The following POLD3 variants were observed in gnomAD, a reference collection of about 807,000 sequenced individuals.
The protein encoded by POLD3 is DNA polymerase delta 3, accessory subunit, also known as DNA polymerase delta subunit 3.
Under a neutral mutation model 58.2 loss-of-function variants are expected in POLD3, and 19 were observed. The ratio of observed to expected loss-of-function variants is 0.33; its 90% CI spans 0.23 to 0.48. POLD3 has a LOEUF of 0.48. Ranked by LOEUF, POLD3 falls within the 20% of genes least tolerant of loss-of-function variation. The pLI is 0.99. For synonymous variants in POLD3, 172 were observed against 193.5 expected, an observed-to-expected ratio of 0.89 and a Z score of 0.92; for missense variants, 504 against 545.5, an observed-to-expected ratio of 0.92 and a Z score of 0.76.
chr11:74,623,410 G>A (rs1308316715), intron 7 of POLD3, among the ~76,000 whole-genome samples: 1 of 152,156 alleles, frequency 6.6e-6, no homozygotes, highest in East Asian at 1.9e-4. Context: ...GCTCCAGCCT[G>A]GGCGACAGAG....
intron 11 of POLD3, 82 bp from the exon 12 acceptor site, chr11:74,640,482 T>TG: frequency 7.0e-7 from 1 of 1,435,828 alleles, no homozygotes; most frequent in Non-Finnish European, 9.2e-7. Flanking sequence ...CTGAAATGAT[T>TG]GGGGTTAGCA....
intron 7 of POLD3, among the ~76,000 whole-genome samples, chr11:74,624,638 A>G (rs2032376229): frequency 6.6e-6 from 1 of 152,154 alleles, no homozygotes; most frequent in Admixed American, 6.5e-5. Flanking sequence ...GCTAGATGAC[A>G]TGCTTCTATA....
chr11:74,614,290 T>C (rs4944051), intron 5 of POLD3, among the ~76,000 whole-genome samples: 40,038 of 152,106 alleles, frequency 0.26, 5,655 homozygotes, highest in South Asian at 0.42. Flanking sequence ...AAGAGAATAA[T>C]CTGGAGGCAA....
In POLD3 at chr11:74,620,063, G is replaced by A. The variant is rs772257016; in HGVS notation, c.707G>A (p.Ser236Asn). 1 of 1,613,544 alleles carries A rather than the reference G, an allele frequency of 6.2e-7. No homozygotes were observed. The highest frequency in any genetic ancestry group is 1.1e-5 in the South Asian group (1 of 91,070). The change falls in exon 7 of 12, where the codon AGC becomes AAC. Residue 236 changes from serine to asparagine, a missense_variant. Around this residue, in one of 2 missense-constraint regions of POLD3, gnomAD observed 385 missense variants for 370.5 expected, o/e 1.04. Transcript: ENST00000263681. ...NKAPGKGNMM[S>N]NFFGKAAMNK... ...GCACCAGGGAAAGGGAATATGATGA[G>A]CAACTTTTTTGGAAAAGCTGCTATG...
At chr11:74,598,025 G>A (rs966848995) in intron 2 of POLD3, among the ~76,000 whole-genome samples, 1 of 152,086 alleles carries the variant, frequency 6.6e-6, no homozygotes, top group African/African-American at 2.4e-5. Context: ...AGGCTGCAGT[G>A]AGCTATGATC....
In POLD3 at chr11:74,592,674, T is replaced by C; in HGVS notation, c.16T>C (p.Tyr6His). The change falls in exon 1 of 12, where the codon TAT becomes CAT. Residue 6 changes from tyrosine to histidine, a missense_variant. Physicochemically the swap from Tyr to His is moderately conservative, Grantham distance 83 (BLOSUM62 2). Around this residue, in one of 2 missense-constraint regions of POLD3, gnomAD observed 119 missense variants for 175.0 expected, o/e 0.68. Coordinates refer to ENST00000263681, the MANE Select transcript of POLD3 (RefSeq NM_006591.3). The stretch of plus-strand genomic sequence containing the variant: ...CTGCCGCACCATGGCGGACCAGCTT[T>C]ATCTGGAAAATATAGACGAGTTCGT... MADQL[Y>H]LENIDEFVTD... is the part of the protein sequence containing the mutation. The C allele has an allele frequency of 6.2e-7, 1 of 1,613,840 alleles. No individual in the cohort carries two copies. Among genetic ancestry groups the C allele is most frequent in the Non-Finnish European group, 8.5e-7 (1 of 1,179,916 alleles).
chr11:74,634,828 G>A, intron 10 of POLD3, 133 bp downstream of exon 10: 2 of 617,390 alleles, frequency 3.2e-6, no homozygotes, highest in Middle Eastern at 3.0e-4. Context: ...TCATTCTGCT[G>A]TCCTACAGGT....
Position 74,635,661 on chromosome 11 carries a change from A to G in POLD3, c.1120-536A>G, listed in dbSNP as rs146077867. On this transcript the variant is annotated intron_variant, in intron 10 of 11. Transcript: ENST00000263681. ...GCACTTCTGCATTCCAGCCTGGGCAACAGAGCCAGAACTTGTCTCTAAAAA... is the reference window on the plus strand; with the variant it reads ...GCACTTCTGCATTCCAGCCTGGGCAGCAGAGCCAGAACTTGTCTCTAAAAA... 3.4e-3 allele frequency among the ~76,000 whole-genome samples: 513 copies of G among 152,370 alleles called. 3 individuals carry two copies. Among genetic ancestry groups the G allele is most frequent in the African/African-American group, 0.012 (482 of 41,578 alleles).
rs1047453858 is a variant in POLD3, at chr11:74,664,110, G to A, written c.370-4667G>A. ...GATATCACTACATGCCCATTAGAAT[G>A]GCTAAAATCAAACGGTGGCAACAGC... On this transcript the variant is annotated intron_variant, in intron 4 of 4. Coordinates refer to the POLD3 transcript ENST00000524752. Among the ~76,000 whole-genome samples the A allele has an allele frequency of 7.9e-5, 12 of 152,274 alleles. No homozygotes were observed. In the East Asian group the frequency reaches 2.3e-3, roughly 29 times the overall value.
intron 9 of POLD3, among the ~76,000 whole-genome samples, chr11:74,632,220 A>G (rs1276053811): frequency 2.0e-5 from 3 of 152,208 alleles, no homozygotes; most frequent in Non-Finnish European, 4.4e-5. Flanking sequence ...GTTTCCAGGA[A>G]TTCTAATTAC....
chr11:74,600,598 G>A (rs1331525338), intron 2 of POLD3, among the ~76,000 whole-genome samples: 3 of 151,714 alleles, frequency 2.0e-5, no homozygotes, highest in Non-Finnish European at 4.4e-5. Context: ...TCGCGCCACT[G>A]CACTCCAGCC....
chr11:74,606,303 T>G (rs1476219496), intron 3 of POLD3, among the ~76,000 whole-genome samples: 1 of 152,216 alleles, frequency 6.6e-6, no homozygotes, highest in African/African-American at 2.4e-5. Context: ...CCTCCAGAGT[T>G]CTGCCACTGT....
intron 4 of POLD3, among the ~76,000 whole-genome samples, chr11:74,612,307 T>C (rs1364368919): frequency 1.3e-5 from 2 of 152,172 alleles, no homozygotes; most frequent in Non-Finnish European, 2.9e-5. Context: ...ATTCTGTAGA[T>C]ATGTAATGAT....
At chr11:74,616,171 C>G (rs773879858) in intron 5 of POLD3, among the ~76,000 whole-genome samples, 3 of 152,004 alleles carry the variant, frequency 2.0e-5, no homozygotes, top group Non-Finnish European at 2.9e-5. Context: ...TGAAATCTGC[C>G]AGGGCCCACT....
chr11:74,600,490 A>G (rs1043982414), intron 2 of POLD3, among the ~76,000 whole-genome samples: 3 of 151,564 alleles, frequency 2.0e-5, no homozygotes, highest in African/African-American at 7.3e-5. Flanking sequence ...CTAAAATACA[A>G]AAAATTAGCC....
At chr11:74,598,013 C>G (rs961689860) in intron 2 of POLD3, among the ~76,000 whole-genome samples, 4 of 151,888 alleles carry the variant, frequency 2.6e-5, no homozygotes, top group African/African-American at 9.7e-5. Context: ...CCCGGGAGTT[C>G]AAGGCTGCAG....
chr11:74,597,821 T>C lies in POLD3; in HGVS notation c.116+3705T>C, dbSNP rs72977286. Reference sequence around the variant, plus strand: ...GGCTGTGGTGGCTCAGTTGTATTAGTCCCAACACTTGAGGAGGCTGAGGTA... The same window carrying C: ...GGCTGTGGTGGCTCAGTTGTATTAGCCCCAACACTTGAGGAGGCTGAGGTA... On this transcript the variant is annotated intron_variant, in intron 2 of 11. Coordinates refer to ENST00000263681, the MANE Select transcript of POLD3 (RefSeq NM_006591.3). Among the ~76,000 whole-genome samples the C allele has an allele frequency of 7.1e-3, 1,074 of 152,276 alleles. 9 individuals carry two copies. The highest frequency in any genetic ancestry group is 0.012 in the Non-Finnish European group (784 of 68,022).
chr11:74,644,930 T>G (rs1197851689), downstream of POLD3, among the ~76,000 whole-genome samples: 1 of 152,196 alleles, frequency 6.6e-6, no homozygotes, highest in Non-Finnish European at 1.5e-5. Flanking sequence ...CTACTTTGTT[T>G]AGTGTCTGTT....
rs1449869308 is a variant in POLD3 at position 74,634,599 on chromosome 11, TG to T, written c.1027del (p.Ala343LeufsTer45). ...TTATTTCAGTCTTTCCAGACTCTCC[TG>T]GGGCTTATGAAGCTGAGTCACCATC... ...SEDEVFPDSP[G>X]AYEAESPSPP... On this transcript the variant is annotated frameshift_variant, in exon 10 of 12. Coordinates refer to ENST00000263681, the MANE Select transcript of POLD3 (RefSeq NM_006591.3). LOFTEE classifies it high-confidence loss of function. 2 of 1,604,814 alleles carry T rather than the reference TG, an allele frequency of 1.2e-6. No homozygotes were observed. The highest frequency in any genetic ancestry group is 1.7e-6 in the Non-Finnish European group (2 of 1,171,610).
Sources: allele counts gnomAD v4.1 joint callset (sites outside exome capture counted in the v4.1 genomes callset), GRCh38; gene constraint gnomAD v4.1.1; regional missense constraint gnomAD v4.1.1; transcripts MANE v1.5; gene names NCBI Gene and HGNC (gene_info 2026-07-23, HGNC 2026-07-21).